Variants in SPOCK3 observed in about 807,000 individuals in gnomAD.
SPOCK3 encodes the protein SPARC (osteonectin), cwcv and kazal like domains proteoglycan 3.
Under a neutral mutation model 56.6 loss-of-function variants are expected in SPOCK3, and 30 were observed. The ratio of observed to expected loss-of-function variants is 0.53; its 90% CI spans 0.40 to 0.72. The LOEUF (loss-of-function observed/expected upper bound fraction) is 0.72. SPOCK3 is among the 30% of genes least tolerant of loss of function. The pLI, the probability that SPOCK3 is intolerant of heterozygous loss-of-function variation, is 0.00. For missense variants in SPOCK3, 527 were observed against 530.0 expected (o/e 0.99, Z 0.06); for synonymous variants, 196 against 183.3 (o/e 1.07, Z -0.56).
rs184122990 is a variant in SPOCK3 at position 167,057,802 on chromosome 4, G to A, written c.235+4690C>T. 3.3e-3 allele frequency among the ~76,000 whole-genome samples: 509 copies of A among 152,076 alleles called. 2 individuals carry two copies. Among genetic ancestry groups the A allele is most frequent in the Admixed American group, 5.2e-3 (80 of 15,270 alleles). ...ATTCATAAAGCAAGTCCTGAGTGAC[G>A]TACAAAGAGACTTAGACTCCCACAC... is the stretch of plus-strand genomic sequence containing the variant. On this transcript the variant is annotated intron_variant, in intron 3 of 10. Coordinates refer to ENST00000357545, the MANE Select transcript of SPOCK3 (RefSeq NM_001040159.2).
chr4:167,046,635 T>C lies in SPOCK3; in HGVS notation c.235+15857A>G, dbSNP rs117691890. Among the ~76,000 whole-genome samples, 82 of 151,764 alleles carry C rather than the reference T, an allele frequency of 5.4e-4. 2 individuals are homozygous for C. In the East Asian group the frequency reaches 0.015, roughly 28 times the overall value. The stretch of plus-strand genomic sequence containing the variant: ...CACACCCAGTTAATTTTTTATGTTT[T>C]TTAGTAGAGATGAAGTTTCACTGTG... On this transcript the variant is annotated intron_variant, in intron 3 of 10. Transcript: ENST00000357545.
At chr4:166,859,471 T>C (rs1425821324) in intron 6 of SPOCK3, among the ~76,000 whole-genome samples, 1 of 152,142 alleles carries the variant, frequency 6.6e-6, no homozygotes, top group Admixed American at 6.6e-5. Flanking sequence ...AATCATCAAT[T>C]ACAAAGAAAA....
intron 4 of SPOCK3, among the ~76,000 whole-genome samples, chr4:166,929,712 A>G (rs980480651): frequency 1.3e-5 from 2 of 152,112 alleles, no homozygotes; most frequent in African/African-American, 4.8e-5. Context: ...CAAGATGTAT[A>G]CTACTCACCT....
Position 167,170,571 on chromosome 4 carries a change from G to T in SPOCK3, c.189+63414C>A, listed in dbSNP as rs573673014. Among the ~76,000 whole-genome samples the T allele has an allele frequency of 2.6e-5, 4 of 152,146 alleles. No individual in the cohort carries two copies. The East Asian group carries it at 7.8e-4, about 29-fold the overall frequency. On this transcript the variant is annotated intron_variant, in intron 2 of 10. Transcript: ENST00000357545. ...CTCTAATCATTCCAGTTTTACTAAC[G>T]AGAAGACCAAAGCACACACGAGTCA...
intron 2 of SPOCK3, among the ~76,000 whole-genome samples, chr4:167,163,496 G>A (rs1231365765): frequency 6.6e-6 from 1 of 151,648 alleles, no homozygotes; most frequent in African/African-American, 2.4e-5. Flanking sequence ...GACTATAGTT[G>A]GCCTGTTGTG....
intron 2 of SPOCK3, among the ~76,000 whole-genome samples, chr4:167,071,443 A>T (rs1463677658): frequency 2.1e-5 from 3 of 145,244 alleles, no homozygotes; most frequent in African/African-American, 7.8e-5. Context: ...CCCTGTGTTC[A>T]TGTGTTCTCA....
At chr4:166,743,194 T>G (rs1735089063) in intron 8 of SPOCK3, among the ~76,000 whole-genome samples, 1 of 152,114 alleles carries the variant, frequency 6.6e-6, no homozygotes, top group African/African-American at 2.4e-5. Flanking sequence ...TGTTAATGCT[T>G]GCTATATAAA....
At chr4:166,882,689 G>A (rs1366904494) in intron 6 of SPOCK3, 1 of 152,134 alleles carries the variant, frequency 6.6e-6, no homozygotes, top group Non-Finnish European at 1.5e-5. Context: ...TAGTAGGGAA[G>A]TTAAAATTTA....
At chr4:166,877,387 T>C (rs1181410092) in intron 6 of SPOCK3, among the ~76,000 whole-genome samples, 1 of 152,166 alleles carries the variant, frequency 6.6e-6, no homozygotes, top group Non-Finnish European at 1.5e-5. Flanking sequence ...TCTTTTATGG[T>C]GTTAAAACTG....
At chr4:167,198,959 A>C (rs904546982) in intron 2 of SPOCK3, among the ~76,000 whole-genome samples, 3 of 152,124 alleles carry the variant, frequency 2.0e-5, no homozygotes, top group Non-Finnish European at 4.4e-5. Context: ...AAAAACACCC[A>C]TCATTTTTTA....
At chr4:166,906,597 T>C (rs1736641041) in intron 5 of SPOCK3, among the ~76,000 whole-genome samples, 1 of 151,956 alleles carries the variant, frequency 6.6e-6, no homozygotes, top group Non-Finnish European at 1.5e-5. Flanking sequence ...AAGATTGTTT[T>C]CTGCAACGAG....
intron 4 of SPOCK3, among the ~76,000 whole-genome samples, chr4:166,986,998 T>C (rs537770706): frequency 6.6e-6 from 1 of 152,290 alleles, no homozygotes; most frequent in South Asian, 2.1e-4. Flanking sequence ...ATTTAACTGT[T>C]GCTTCTCACA....
intron 3 of SPOCK3, among the ~76,000 whole-genome samples, chr4:167,001,998 G>A (rs1482887543): frequency 6.6e-6 from 1 of 151,598 alleles, no homozygotes; most frequent in Non-Finnish European, 1.5e-5. Flanking sequence ...TCTCTCTGAC[G>A]CCCTGGCTAG....
chr4:166,952,553 T>C (rs1240539227), intron 4 of SPOCK3, among the ~76,000 whole-genome samples: 1 of 152,124 alleles, frequency 6.6e-6, no homozygotes, highest in African/African-American at 2.4e-5. Context: ...AAGCTACAAA[T>C]GGCTTTCTTC....
intron 3 of SPOCK3, among the ~76,000 whole-genome samples, chr4:167,005,249 G>A (rs1225020415): frequency 6.6e-6 from 1 of 151,222 alleles, no homozygotes; most frequent in African/African-American, 2.4e-5. Context: ...TCACTCTGTT[G>A]CCCAGGCTGG....
At chr4:166,997,969 A>T (rs1748563700) in intron 4 of SPOCK3, among the ~76,000 whole-genome samples, 2 of 152,136 alleles carry the variant, frequency 1.3e-5, no homozygotes, top group South Asian at 4.1e-4. Context: ...TTTCTCTACC[A>T]CATCCCCAAA....
At chr4:166,910,393 C>T (rs1299402110) in intron 5 of SPOCK3, among the ~76,000 whole-genome samples, 2 of 151,854 alleles carry the variant, frequency 1.3e-5, no homozygotes, top group Non-Finnish European at 2.9e-5. Flanking sequence ...TTTGTTGATA[C>T]TACTAATAAA....
chr4:166,816,317 T>C (rs1744372042), intron 6 of SPOCK3, among the ~76,000 whole-genome samples: 1 of 152,104 alleles, frequency 6.6e-6, no homozygotes. Context: ...ATTTTTAGTA[T>C]GTGCTGTCCT....
At chr4:166,770,149 C>G (rs1738732403) in intron 7 of SPOCK3, among the ~76,000 whole-genome samples, 1 of 152,134 alleles carries the variant, frequency 6.6e-6, no homozygotes, top group African/African-American at 2.4e-5. Context: ...TGAGGTGATG[C>G]CTCACCCTGC....
Sources: gnomAD v4.1 joint callset for allele counts (sites outside exome capture counted in the v4.1 genomes callset) on GRCh38, gnomAD v4.1.1 for gene constraint, MANE v1.5 for transcripts, NCBI Gene and HGNC (gene_info 2026-07-23, HGNC 2026-07-21) for gene names.